The following SOX13 variants were observed in gnomAD, a reference collection of about 807,000 sequenced individuals.
The protein encoded by SOX13 is transcription factor SOX-13.
SOX13 carries 28 observed loss-of-function variants against 71.8 expected under a neutral mutation model. That is an observed-to-expected ratio of 0.39 (90% confidence interval 0.29 to 0.53). SOX13 has a LOEUF of 0.53. Ranked by LOEUF, SOX13 falls within the 20% of genes least tolerant of loss-of-function variation. The pLI, the probability that SOX13 is intolerant of heterozygous loss-of-function variation, is 0.70. For missense variants in SOX13, 627 were observed against 810.3 expected, an observed-to-expected ratio of 0.77 and a Z score of 2.75; for synonymous variants, 309 against 317.8, an observed-to-expected ratio of 0.97 and a Z score of 0.29.
intron 1 of SOX13, among the ~76,000 whole-genome samples, chr1:204,112,366 GGGAGGC>G (rs1656595001): frequency 6.6e-6 from 1 of 152,040 alleles, no homozygotes; most frequent in African/African-American, 2.4e-5. Flanking sequence ...ACTTGAACCT[GGGAGGC>G]GGAGGTTGCA....
At chr1:204,112,527 A>ACACACACACACACACACACT (rs34093119) in intron 1 of SOX13, among the ~76,000 whole-genome samples, 17 of 147,790 alleles carry the variant, frequency 1.2e-4, no homozygotes, top group Admixed American at 2.7e-4. Context: ...ACACACACAC[A>ACACACACACACACACACACT]CTTTCTCTCT....
At chr1:204,074,810 C>T (rs896306186) in intron 1 of SOX13, among the ~76,000 whole-genome samples, 3 of 152,258 alleles carry the variant, frequency 2.0e-5, no homozygotes, top group African/African-American at 4.8e-5. Context: ...CTGGAGGGCC[C>T]GCGGCAGCTG....
chr1:204,086,995 G>T (rs1272380518), intron 1 of SOX13, among the ~76,000 whole-genome samples: 2 of 151,388 alleles, frequency 1.3e-5, no homozygotes, highest in Non-Finnish European at 2.9e-5. Flanking sequence ...CGATCTTGGC[G>T]CACTGCAAGT....
At chr1:204,078,781 CT>C (rs1237906643) in intron 1 of SOX13, among the ~76,000 whole-genome samples, 2 of 152,206 alleles carry the variant, frequency 1.3e-5, no homozygotes, top group African/African-American at 2.4e-5. Flanking sequence ...CTGGCCCTTC[CT>C]TAGTTCTTGG....
At chr1:204,106,516 A>AT (rs1228564239) in intron 1 of SOX13, among the ~76,000 whole-genome samples, 15 of 122,920 alleles carry the variant, frequency 1.2e-4, no homozygotes, top group African/African-American at 4.1e-4. Context: ...CTCCAAAATA[A>AT]ATTTTTTTTT....
Position 204,121,992 on chromosome 1 carries a change from C to A in SOX13, c.861+7C>A. ...CACCCACCACCCCCTGCAGGTACCG[C>A]CCTCTACCCACTGGCCTGGGGCTCC... On this transcript the variant is annotated splice_region_variant and intron_variant, in intron 8 of 13. Transcript: ENST00000367204. 6.3e-7 allele frequency: 1 copy of A among 1,591,460 alleles called. No homozygotes were observed. The highest frequency in any genetic ancestry group is 8.6e-7 in the Non-Finnish European group (1 of 1,160,618).
chr1:204,117,178 G>A lies in SOX13; in HGVS notation c.648G>A (p.Gln216=), dbSNP rs1478740706. Residue 216 remains glutamine, a synonymous_variant, in exon 6 of 14, where the codon CAG becomes CAA. Transcript: ENST00000367204. ...AGCAGCATAAGATCAACCTCCTTCA[G>A]CAGCAGATCCAGGTAACCGGAGGGG... ...IQQQHKINLL[Q]QQIQQVNMPY... 3.1e-6 allele frequency: 5 copies of A among 1,613,886 alleles called. No individual in the cohort carries two copies. The Admixed American group carries it at 8.3e-5, about 27-fold the overall frequency.
intron 1 of SOX13, among the ~76,000 whole-genome samples, chr1:204,112,227 G>A (rs1016354282): frequency 6.6e-6 from 1 of 152,046 alleles, no homozygotes; most frequent in African/African-American, 2.4e-5. Context: ...GATCACCTGA[G>A]GTCAGAAGTT....
intron 1 of SOX13, among the ~76,000 whole-genome samples, chr1:204,086,481 T>C (rs1451105948): frequency 1.7e-5 from 2 of 120,378 alleles, no homozygotes; most frequent in African/African-American, 6.4e-5. Context: ...TTTTTCTATT[T>C]TTCATAGAGA....
intron 1 of SOX13, among the ~76,000 whole-genome samples, chr1:204,087,817 C>G (rs1169231851): frequency 6.6e-6 from 1 of 152,236 alleles, no homozygotes; most frequent in Non-Finnish European, 1.5e-5. Context: ...TGAGGCTTGT[C>G]TCGGGTACCT....
At chr1:204,115,885 C>G (rs764950446) in intron 4 of SOX13, among the ~76,000 whole-genome samples, 1 of 151,766 alleles carries the variant, frequency 6.6e-6, no homozygotes, top group Non-Finnish European at 1.5e-5. Context: ...AGGCTGGTCT[C>G]GAACTCCTGA....
At chr1:204,109,457 C>T (rs1656534160) in intron 1 of SOX13, among the ~76,000 whole-genome samples, 1 of 152,222 alleles carries the variant, frequency 6.6e-6, no homozygotes, top group Admixed American at 6.5e-5. Flanking sequence ...TTAACCATTG[C>T]ATTACAATTA....
At chr1:204,094,000 C>T (rs919585953) in intron 1 of SOX13, among the ~76,000 whole-genome samples, 5 of 152,228 alleles carry the variant, frequency 3.3e-5, no homozygotes, top group Admixed American at 6.5e-5. Context: ...TAATAATTCA[C>T]TCCATGTGCA....
chr1:204,075,479 A>G (rs1655768767), intron 1 of SOX13, among the ~76,000 whole-genome samples: 1 of 152,182 alleles, frequency 6.6e-6, no homozygotes, highest in African/African-American at 2.4e-5. Context: ...CCAGTTCCCC[A>G]TCGATGAGCA....
At chr1:204,094,179 A>G (rs556737948) in intron 1 of SOX13, among the ~76,000 whole-genome samples, 10 of 152,310 alleles carry the variant, frequency 6.6e-5, no homozygotes, top group South Asian at 2.1e-4. Context: ...GATCTGGTAC[A>G]TGTATTTTGA....
At position 204,081,141 on chromosome 1, in the gene SOX13, G is replaced by A. The variant is rs893561681; in HGVS notation, c.-2+7430G>A. On this transcript the variant is annotated intron_variant, in intron 1 of 13. Transcript: ENST00000367204. This position sits in a 1 kb window ranked among gnomAD's most constrained non-coding sequence, Gnocchi z 4.3. ...TTGGTTAGGCTGGTCTCGAACTCCC[G>A]ACCTCAGGTGATCCGCCTGCTTTGG... Among the ~76,000 whole-genome samples the A allele has an allele frequency of 1.3e-5, 2 of 151,990 alleles. No individual in the cohort carries two copies. The highest frequency in any genetic ancestry group is 2.9e-5 in the Non-Finnish European group (2 of 67,994).
In SOX13 at chr1:204,124,784, C is replaced by A. The variant is rs764258729; in HGVS notation, c.1519C>A (p.Arg507=). The A allele has an allele frequency of 4.4e-6, 7 of 1,599,272 alleles. No homozygotes were observed. Among genetic ancestry groups the A allele is most frequent in the Non-Finnish European group, 5.1e-6 (6 of 1,173,554 alleles). Residue 507 remains arginine (R), a synonymous_variant, in exon 13 of 14, where the codon CGG becomes AGG. Transcript: ENST00000367204. ...GCGCACCTGCATCGTGGAGGGCAAGCGGCTGCGCGTGGGAGAGTACAAGGC... is the reference window on the plus strand; with the variant it reads ...GCGCACCTGCATCGTGGAGGGCAAGAGGCTGCGCGTGGGAGAGTACAAGGC... ...PKRTCIVEGK[R]LRVGEYKALM...
intron 1 of SOX13, among the ~76,000 whole-genome samples, chr1:204,104,346 G>A: frequency 6.6e-6 from 1 of 152,226 alleles, no homozygotes; most frequent in Non-Finnish European, 1.5e-5. Context: ...GGGTGAGAGG[G>A]ACTCGCAGGA....
Position 204,126,189 on chromosome 1 carries a change from C to G in SOX13, c.*55C>G. The G allele has an allele frequency of 6.4e-7, 1 of 1,567,304 alleles. No homozygotes were observed. The highest frequency in any genetic ancestry group is 8.7e-7 in the Non-Finnish European group (1 of 1,147,988). On this transcript the variant is annotated 3_prime_UTR_variant, in exon 14 of 14. Coordinates refer to ENST00000367204, the MANE Select transcript of SOX13 (RefSeq NM_005686.3). ...CTCTGGGGAAGACCTTGTCCCAACTCGATGGGCACAGCCAGCCAACCTAAG... is the reference window on the plus strand; with the variant it reads ...CTCTGGGGAAGACCTTGTCCCAACTGGATGGGCACAGCCAGCCAACCTAAG...
Sources: allele counts gnomAD v4.1 joint callset (sites outside exome capture counted in the v4.1 genomes callset), GRCh38; gene constraint gnomAD v4.1.1; non-coding constraint Gnocchi (gnomAD v3.1); transcripts MANE v1.5; gene names NCBI Gene and HGNC (gene_info 2026-07-23, HGNC 2026-07-21).